The following SCAMP1 variants were observed in gnomAD, a reference collection of about 807,000 sequenced individuals.
SCAMP1 encodes secretory carrier-associated membrane protein 1.
A neutral mutation model predicts 41.8 loss-of-function variants in SCAMP1; 15 were observed. The ratio of observed to expected loss-of-function variants is 0.36; its 90% CI spans 0.24 to 0.55. The LOEUF (loss-of-function observed/expected upper bound fraction) is 0.55. SCAMP1 is among the 20% of genes least tolerant of loss of function. The pLI is 0.86. For synonymous variants in SCAMP1, 135 were observed against 136.8 expected, an observed-to-expected ratio of 0.99 and a Z score of 0.09; for missense variants, 341 against 412.6, an observed-to-expected ratio of 0.83 and a Z score of 1.50.
intron 7 of SCAMP1, among the ~76,000 whole-genome samples, chr5:78,452,898 T>A (rs1753276386): frequency 6.6e-6 from 1 of 150,498 alleles, no homozygotes; most frequent in Admixed American, 6.6e-5. Flanking sequence ...TGTGAGATGA[T>A]ATCTCATTGT....
chr5:78,363,510 A>G (rs1296309081), intron 1 of SCAMP1, among the ~76,000 whole-genome samples: 1 of 152,114 alleles, frequency 6.6e-6, no homozygotes, highest in African/African-American at 2.4e-5. Context: ...GGCCCGACCC[A>G]TTTTTCAAAT....
intron 1 of SCAMP1, among the ~76,000 whole-genome samples, chr5:78,365,127 T>C (rs1275936770): frequency 6.6e-6 from 1 of 152,146 alleles, no homozygotes; most frequent in Non-Finnish European, 1.5e-5. Flanking sequence ...AAGAGCTTAA[T>C]GTATAGTGGT....
At chr5:78,470,474 C>T (rs567583518) in intron 8 of SCAMP1, among the ~76,000 whole-genome samples, 2 of 152,234 alleles carry the variant, frequency 1.3e-5, no homozygotes, top group South Asian at 2.1e-4. Context: ...AAGGTTCATC[C>T]GTGTTGCAGC....
intron 6 of SCAMP1, among the ~76,000 whole-genome samples, chr5:78,437,131 G>C (rs1190497366): frequency 1.3e-5 from 2 of 152,166 alleles, no homozygotes; most frequent in Non-Finnish European, 2.9e-5. Context: ...CTGAGATGAT[G>C]GGGTTTTCTA....
chr5:78,430,447 C>T (rs1284052045), intron 6 of SCAMP1, among the ~76,000 whole-genome samples: 1 of 151,426 alleles, frequency 6.6e-6, no homozygotes, highest in African/African-American at 2.4e-5. Context: ...TCCATATTTT[C>T]TGGCAAGATT....
chr5:78,401,618 G>C (rs982233994), intron 2 of SCAMP1, among the ~76,000 whole-genome samples: 1 of 152,168 alleles, frequency 6.6e-6, no homozygotes, highest in Admixed American at 6.5e-5. Flanking sequence ...TGTGGGCATA[G>C]AGTTATTTAT....
chr5:78,414,365 C>T (rs1752157118), intron 2 of SCAMP1, among the ~76,000 whole-genome samples: 1 of 152,020 alleles, frequency 6.6e-6, no homozygotes, highest in African/African-American at 2.4e-5. Context: ...TCACTGCAAC[C>T]TCCGCCTCCC....
intron 6 of SCAMP1, among the ~76,000 whole-genome samples, chr5:78,438,234 G>T (rs1752815741): frequency 6.6e-6 from 1 of 152,126 alleles, no homozygotes; most frequent in East Asian, 1.9e-4. Flanking sequence ...TCTGATCTTA[G>T]TTATTTCTTG....
intron 1 of SCAMP1, among the ~76,000 whole-genome samples, chr5:78,382,043 T>C (rs1197416195): frequency 6.6e-6 from 1 of 152,136 alleles, no homozygotes; most frequent in Non-Finnish European, 1.5e-5. Flanking sequence ...AGAAGGTACA[T>C]GTAGACTAAA....
chr5:78,448,366 A>C (rs949425257), intron 6 of SCAMP1, among the ~76,000 whole-genome samples: 2 of 149,980 alleles, frequency 1.3e-5, no homozygotes, highest in Non-Finnish European at 3.0e-5. Context: ...AAAGACAAGC[A>C]ACAGACGGAG....
chr5:78,430,474 T>A (rs1752592675), intron 6 of SCAMP1, among the ~76,000 whole-genome samples: 1 of 151,766 alleles, frequency 6.6e-6, no homozygotes, highest in Non-Finnish European at 1.5e-5. Context: ...CTATGGTTCA[T>A]CCTTTCTGTT....
chr5:78,391,259 G>A (rs1283176992), intron 2 of SCAMP1, among the ~76,000 whole-genome samples: 1 of 150,636 alleles, frequency 6.6e-6, no homozygotes, highest in Non-Finnish European at 1.5e-5. Flanking sequence ...CCTCCCGGAC[G>A]GGGCAGCTGG....
At chr5:78,363,695 A>G (rs917846434) in intron 1 of SCAMP1, among the ~76,000 whole-genome samples, 3 of 152,130 alleles carry the variant, frequency 2.0e-5, no homozygotes, top group Non-Finnish European at 2.9e-5. Context: ...TTCTGCAAGC[A>G]TCTTCGTTTG....
rs1753844752 is a variant in SCAMP1 at position 78,469,937 on chromosome 5, A to AAAAAAAAAAAAAAAG, written c.853-5566_853-5565insAAAAAAAAAAAAAGA. The stretch of plus-strand genomic sequence containing the variant: ...ACAAAAAAAAAAAAAAAAAAACAAC[A>AAAAAAAAAAAAAAAG]ACACAGCCCAGGCATGGTGGTGTGA... On this transcript the variant is annotated intron_variant, in intron 8 of 8. Coordinates refer to ENST00000621999, the MANE Select transcript of SCAMP1 (RefSeq NM_004866.6). Among the ~76,000 whole-genome samples, 8 of 20,378 alleles carry AAAAAAAAAAAAAAAG rather than the reference A, an allele frequency of 3.9e-4. 1 individual carries two copies. The highest frequency in any genetic ancestry group is 7.0e-4 in the Non-Finnish European group (7 of 10,042). 13.4% of individuals were successfully genotyped at this position (20,378 alleles called of 152,430 possible). A position where few individuals can be genotyped will look rare whatever the true frequency, so the allele number is the denominator to read the frequency against.
chr5:78,428,744 A>G (rs998218827), intron 6 of SCAMP1, among the ~76,000 whole-genome samples: 6 of 152,110 alleles, frequency 3.9e-5, no homozygotes, highest in African/African-American at 1.2e-4. Context: ...GATTTTGTGA[A>G]TATGGATTTC....
chr5:78,377,863 C>G (rs573609082), intron 1 of SCAMP1, among the ~76,000 whole-genome samples: 1 of 152,208 alleles, frequency 6.6e-6, no homozygotes, highest in Admixed American at 6.5e-5. Flanking sequence ...ATACATTTTA[C>G]TGATGAAAAA....
intron 1 of SCAMP1, among the ~76,000 whole-genome samples, chr5:78,377,278 CCTG>C (rs1445579137): frequency 6.6e-6 from 1 of 152,176 alleles, no homozygotes; most frequent in Non-Finnish European, 1.5e-5. Flanking sequence ...AGATGCTTTA[CCTG>C]CTGCTCTCTG....
At chr5:78,432,241 A>G (rs1024499582) in intron 6 of SCAMP1, among the ~76,000 whole-genome samples, 2 of 152,148 alleles carry the variant, frequency 1.3e-5, no homozygotes, top group African/African-American at 4.8e-5. Flanking sequence ...ATAAGGAAAA[A>G]TGAATTTTAC....
chr5:78,432,695 A>G (rs924674779), intron 6 of SCAMP1, among the ~76,000 whole-genome samples: 5 of 151,652 alleles, frequency 3.3e-5, no homozygotes, highest in African/African-American at 1.2e-4. Flanking sequence ...CGTGTGTGCA[A>G]TGTGTGTTAT....
Sources: gnomAD v4.1 joint callset for allele counts (sites outside exome capture counted in the v4.1 genomes callset) on GRCh38, gnomAD v4.1.1 for gene constraint, MANE v1.5 for transcripts, NCBI Gene and HGNC (gene_info 2026-07-23, HGNC 2026-07-21) for gene names.